BRD10: variants seen among roughly 807,000 people sequenced by gnomAD.
BRD10 encodes the protein bromodomain containing 10.
the BRD10 span, among the ~76,000 whole-genome samples, chr9:5,981,749 T>G: frequency 2.6e-5 from 4 of 152,112 alleles, no homozygotes; most frequent in African/African-American, 9.7e-5. Flanking sequence ...AAAACGTCCA[T>G]CTCTTCTGGA....
chr9:5,884,478 T>C, the BRD10 span, among the ~76,000 whole-genome samples: 1 of 152,226 alleles, frequency 6.6e-6, no homozygotes, highest in Non-Finnish European at 1.5e-5. Context: ...TCTGGGGCCC[T>C]GAGCCCTAAA....
chr9:5,963,854 G>A, the BRD10 span, among the ~76,000 whole-genome samples: 2 of 152,028 alleles, frequency 1.3e-5, no homozygotes, highest in East Asian at 1.9e-4. Context: ...CTAGCCATAT[G>A]TAGGAAGCTG....
the BRD10 span, among the ~76,000 whole-genome samples, chr9:5,965,997 G>A: frequency 6.6e-6 from 1 of 152,086 alleles, no homozygotes; most frequent in Non-Finnish European, 1.5e-5. Context: ...AAGGGAATTG[G>A]CCAATGTTTA....
At chr9:5,993,649 G>A in the BRD10 span, among the ~76,000 whole-genome samples, 1 of 152,140 alleles carries the variant, frequency 6.6e-6, no homozygotes, top group East Asian at 1.9e-4. Flanking sequence ...ATGGAGCACA[G>A]TTTCTGACAA....
chr9:5,960,193 A>C, the BRD10 span, among the ~76,000 whole-genome samples: 1 of 152,148 alleles, frequency 6.6e-6, no homozygotes, highest in Non-Finnish European at 1.5e-5. Context: ...TTTTTCACCT[A>C]TAAGAGAATA....
At chr9:5,887,958 C>T in the BRD10 span, among the ~76,000 whole-genome samples, 2 of 152,178 alleles carry the variant, frequency 1.3e-5, no homozygotes, top group Non-Finnish European at 2.9e-5. Flanking sequence ...TCTCCCTTAC[C>T]ATTTTCAGTG....
At chr9:5,935,333 T>C in the BRD10 span, among the ~76,000 whole-genome samples, 1 of 152,318 alleles carries the variant, frequency 6.6e-6, no homozygotes, top group South Asian at 2.1e-4. Context: ...GAAGGCAAAC[T>C]ACAACAATAA....
chr9:5,916,954 G>A, the BRD10 span, among the ~76,000 whole-genome samples: 1 of 152,108 alleles, frequency 6.6e-6, no homozygotes, highest in African/African-American at 2.4e-5. Context: ...CTACAAAACT[G>A]GAGGCAAAGG....
At chr9:5,906,176 T>G in the BRD10 span, among the ~76,000 whole-genome samples, 63 of 145,672 alleles carry the variant, frequency 4.3e-4, no homozygotes, top group Non-Finnish European at 7.4e-4. Context: ...CTTAGCAAGA[T>G]CATGTCTCTT....
At chr9:5,996,389 G>C in the BRD10 span, among the ~76,000 whole-genome samples, 10 of 152,128 alleles carry the variant, frequency 6.6e-5, no homozygotes, top group East Asian at 1.9e-3. Flanking sequence ...CACAATCTCA[G>C]CTCACTGCAA....
At chr9:5,974,257 C>G in the BRD10 span, among the ~76,000 whole-genome samples, 1 of 152,054 alleles carries the variant, frequency 6.6e-6, no homozygotes, top group Non-Finnish European at 1.5e-5. Context: ...ATATAACTGT[C>G]AAACTAGAAC....
At chr9:5,928,980 T>C in the BRD10 span, 1 of 833,440 alleles carries the variant, frequency 1.2e-6, no homozygotes. Context: ...TTCCAGGACA[T>C]CATCCAAAAA....
the BRD10 span, among the ~76,000 whole-genome samples, chr9:5,890,092 A>C: frequency 6.6e-6 from 1 of 152,068 alleles, no homozygotes; most frequent in Non-Finnish European, 1.5e-5. Flanking sequence ...AGACTCTTCA[A>C]CCCTTTGAGA....
chr9:5,894,286 T>C, the BRD10 span, among the ~76,000 whole-genome samples: 1 of 151,912 alleles, frequency 6.6e-6, no homozygotes, highest in African/African-American at 2.4e-5. The surrounding 1 kb of genome is among the most constrained non-coding windows in gnomAD (Gnocchi z 4.0). Context: ...CAGGGTCTAG[T>C]CAGGAAGAAA....
the BRD10 span, among the ~76,000 whole-genome samples, chr9:5,907,605 T>C: frequency 6.6e-6 from 1 of 152,240 alleles, no homozygotes; most frequent in African/African-American, 2.4e-5. Flanking sequence ...AAACAAAATA[T>C]TTTAAGATTA....
At chr9:5,971,418 A>T in the BRD10 span, among the ~76,000 whole-genome samples, 4 of 152,226 alleles carry the variant, frequency 2.6e-5, no homozygotes, top group African/African-American at 7.2e-5. Context: ...GCTTGTATAT[A>T]AATGTTCTTA....
chr9:5,953,077 T>G, the BRD10 span, among the ~76,000 whole-genome samples: 3 of 152,280 alleles, frequency 2.0e-5, no homozygotes, highest in African/African-American at 7.2e-5. Flanking sequence ...AAAAACACTC[T>G]CCAAAATAGA....
chr9:5,920,164 T>C, the BRD10 span: 1 of 1,614,002 alleles, frequency 6.2e-7, no homozygotes, highest in Non-Finnish European at 8.5e-7. Flanking sequence ...TTGATGCTAG[T>C]GTGATCTTCT....
chr9:5,962,154 C>T, the BRD10 span, among the ~76,000 whole-genome samples: 5 of 152,084 alleles, frequency 3.3e-5, no homozygotes, highest in African/African-American at 1.2e-4. Context: ...CTTTGATAGA[C>T]CGCTAGCAAG....
Sources: allele counts gnomAD v4.1 joint callset (sites outside exome capture counted in the v4.1 genomes callset), GRCh38; gene constraint gnomAD v4.1.1; non-coding constraint Gnocchi (gnomAD v3.1); transcripts MANE v1.5; gene names NCBI Gene and HGNC (gene_info 2026-07-23, HGNC 2026-07-21).